WDR72: variants seen among roughly 807,000 people sequenced by gnomAD.
WDR72 encodes the protein WD repeat domain 72.
Under a neutral mutation model 124.2 loss-of-function variants are expected in WDR72, and 120 were observed. The ratio of observed to expected loss-of-function variants is 0.97; its 90% CI spans 0.83 to 1.12. The LOEUF is 1.12. Ranked by LOEUF, WDR72 falls within the 50% of genes most tolerant of loss-of-function variation. The pLI is 0.00. For missense variants in WDR72, 1,387 were observed against 1,278.8 expected, an observed-to-expected ratio of 1.08 and a Z score of -1.29; for synonymous variants, 452 against 441.7, an observed-to-expected ratio of 1.02 and a Z score of -0.29.
At chr15:53,529,675 T>C (rs1892342269) in intron 18 of WDR72, among the ~76,000 whole-genome samples, 1 of 151,996 alleles carries the variant, frequency 6.6e-6, no homozygotes, top group East Asian at 1.9e-4. Flanking sequence ...GCAGTATGTG[T>C]TCCTGTGGAC....
In WDR72 at chr15:53,517,251, A is replaced by AGTT. The variant is rs1427502596; in HGVS notation, c.*445_*447dup. On this transcript the variant is annotated 3_prime_UTR_variant, in exon 20 of 20. Transcript: ENST00000360509. The stretch of plus-strand genomic sequence containing the variant: ...AAAATATCCTAACCAGACAAATCAA[A>AGTT]GTTGGTAAAATTTTAGATTAAATAC... 3.0e-5 allele frequency: 5 copies of AGTT among 165,202 alleles called. No homozygotes were observed. Among genetic ancestry groups the AGTT allele is most frequent in the South Asian group, 1.6e-4 (1 of 6,354 alleles). The allele number at this position is 165,202 out of a possible 1,614,324, so 10.2% of individuals were successfully genotyped here. A position where few individuals can be genotyped will look rare whatever the true frequency, so the allele number is the denominator to read the frequency against.
intron 18 of WDR72, among the ~76,000 whole-genome samples, chr15:53,556,574 A>G (rs965037170): frequency 1.3e-5 from 2 of 152,124 alleles, no homozygotes; most frequent in Admixed American, 6.6e-5. Flanking sequence ...TGAGCTGGCA[A>G]TTATCTGGTG....
At chr15:53,707,751 A>T (rs1219683937) in intron 9 of WDR72, among the ~76,000 whole-genome samples, 3 of 152,030 alleles carry the variant, frequency 2.0e-5, no homozygotes, top group Non-Finnish European at 4.4e-5. Flanking sequence ...CGGCCAATAA[A>T]TTTTTTTAAG....
chr15:53,733,450 T>G (rs2018262763), intron 1 of WDR72, among the ~76,000 whole-genome samples: 1 of 152,168 alleles, frequency 6.6e-6, no homozygotes, highest in Non-Finnish European at 1.5e-5. Context: ...GCTCTTCCTG[T>G]GGCTACATCC....
intron 18 of WDR72, among the ~76,000 whole-genome samples, chr15:53,567,338 G>C (rs1894338253): frequency 6.6e-6 from 1 of 151,912 alleles, no homozygotes; most frequent in African/African-American, 2.4e-5. Flanking sequence ...GATTTGAGGG[G>C]AAGAATATGT....
At chr15:53,523,085 A>C in intron 19 of WDR72, 133 bp downstream of exon 19, 1 of 833,778 alleles carries the variant, frequency 1.2e-6, no homozygotes, top group South Asian at 1.3e-5. Flanking sequence ...CCTGGAGGTG[A>C]CCATTAATTT....
At chr15:53,686,912 C>A (rs2016652929) in intron 13 of WDR72, among the ~76,000 whole-genome samples, 2 of 151,778 alleles carry the variant, frequency 1.3e-5, no homozygotes, top group Admixed American at 1.3e-4. Context: ...GAATCTCACT[C>A]AAAACCACTC....
rs1555402423 is a variant in WDR72, at chr15:53,515,106, C to CAAAA, written c.*2592_*2593insTTTT. On this transcript the variant is annotated 3_prime_UTR_variant, in exon 20 of 20. Coordinates refer to ENST00000360509, the MANE Select transcript of WDR72 (RefSeq NM_182758.4). ...ATGTATACACACACACACACACACA[C>CAAAA]AAATACATTCATAAATATCACCAAG... 7.5e-6 allele frequency: 1 copy of CAAAA among 134,094 alleles called. No individual in the cohort carries two copies. The highest frequency in any genetic ancestry group is 2.6e-5 in the African/African-American group (1 of 38,428). The allele number at this position is 134,094 out of a possible 1,614,324, so 8.3% of individuals were successfully genotyped here.
chr15:53,741,477 C>T (rs1027391367), intron 1 of WDR72, among the ~76,000 whole-genome samples: 6 of 152,192 alleles, frequency 3.9e-5, no homozygotes, highest in Admixed American at 3.3e-4. Flanking sequence ...GTTATTACCA[C>T]ATTGTAAATA....
chr15:53,664,183 A>C (rs1315926840), intron 14 of WDR72, among the ~76,000 whole-genome samples: 1 of 152,152 alleles, frequency 6.6e-6, no homozygotes, highest in Non-Finnish European at 1.5e-5. Context: ...CAGTGAATGA[A>C]TATCCTCTGG....
intron 14 of WDR72, among the ~76,000 whole-genome samples, chr15:53,661,812 T>C (rs1478545510): frequency 2.0e-5 from 3 of 152,154 alleles, no homozygotes; most frequent in African/African-American, 7.2e-5. Flanking sequence ...TACAAATGTT[T>C]AATGGCTACC....
intron 14 of WDR72, among the ~76,000 whole-genome samples, chr15:53,653,080 G>A (rs1404240673): frequency 6.6e-6 from 1 of 152,062 alleles, no homozygotes; most frequent in African/African-American, 2.4e-5. Context: ...AAGCAATTGG[G>A]TGGCGAAATA....
At chr15:53,591,725 CACACAT>C (rs1191282566) in intron 18 of WDR72, among the ~76,000 whole-genome samples, 2 of 104,194 alleles carry the variant, frequency 1.9e-5, no homozygotes, top group South Asian at 3.1e-4. Context: ...CACACACACA[CACACAT>C]ATATACCTTC....
At chr15:53,713,307 T>G (rs2017601370) in intron 6 of WDR72, among the ~76,000 whole-genome samples, 1 of 151,050 alleles carries the variant, frequency 6.6e-6, no homozygotes, top group Non-Finnish European at 1.5e-5. Flanking sequence ...AATGTCAAGA[T>G]GAGAATAAGC....
chr15:53,530,144 A>G (rs1892370137), intron 18 of WDR72, among the ~76,000 whole-genome samples: 1 of 151,640 alleles, frequency 6.6e-6, no homozygotes, highest in African/African-American at 2.4e-5. Context: ...TCTGAATATT[A>G]CTGAGTAAAT....
At chr15:53,571,799 C>G (rs908306163) in intron 18 of WDR72, among the ~76,000 whole-genome samples, 1 of 149,904 alleles carries the variant, frequency 6.7e-6, no homozygotes, top group African/African-American at 2.5e-5. Context: ...AATCTTCATA[C>G]TGCTTTCCAT....
intron 13 of WDR72, among the ~76,000 whole-genome samples, chr15:53,683,309 T>C (rs1331708302): frequency 6.6e-6 from 1 of 152,090 alleles, no homozygotes; most frequent in Non-Finnish European, 1.5e-5. Context: ...TGCAATGTAT[T>C]ATACATGTCA....
At chr15:53,749,407 A>G (rs554371190) in intron 1 of WDR72, among the ~76,000 whole-genome samples, 1 of 152,296 alleles carries the variant, frequency 6.6e-6, no homozygotes, top group South Asian at 2.1e-4. Context: ...ATAAGATGGC[A>G]AACTTAATTG....
At chr15:53,593,741 G>A (rs111983294) in intron 18 of WDR72, among the ~76,000 whole-genome samples, 20 of 151,634 alleles carry the variant, frequency 1.3e-4, no homozygotes, top group East Asian at 3.9e-4. Context: ...TAGCCTGGGT[G>A]ACAGAGTGAG....
Sources: gnomAD v4.1 joint callset for allele counts (sites outside exome capture counted in the v4.1 genomes callset) on GRCh38, gnomAD v4.1.1 for gene constraint, MANE v1.5 for transcripts, NCBI Gene and HGNC (gene_info 2026-07-23, HGNC 2026-07-21) for gene names.